The following CA2 variants were observed in gnomAD, a reference collection of about 807,000 sequenced individuals.
CA2 encodes carbonic anhydrase 2.
Under a neutral mutation model 27.8 loss-of-function variants are expected in CA2, and 23 were observed. The observed-to-expected ratio is 0.83, with a 90% CI of 0.59 to 1.17. CA2 has a LOEUF of 1.17. Among genes scored for constraint, CA2 ranks in the 50% most tolerant of loss-of-function variants. The probability of loss-of-function intolerance (pLI) is 0.00; values close to 1 mark genes in which losing one functional copy is unlikely to be tolerated. For missense variants in CA2, 300 were observed against 314.7 expected (o/e 0.95, Z 0.35); for synonymous variants, 99 against 114.9 (o/e 0.86, Z 0.88).
intron 6 of CA2, among the ~76,000 whole-genome samples, chr8:85,479,308 T>C (rs1156467268): frequency 6.6e-6 from 1 of 152,212 alleles, no homozygotes; most frequent in African/African-American, 2.4e-5. Flanking sequence ...CTGTTTACAC[T>C]TTATGAACAG....
intron 2 of CA2, 53 bp downstream of exon 2, chr8:85,465,522 C>G: frequency 6.9e-7 from 1 of 1,450,142 alleles, no homozygotes; most frequent in Non-Finnish European, 9.5e-7. Context: ...GTTTTCCGAG[C>G]TTAATGGAAG....
intron 1 of CA2, 140 bp downstream of exon 1, chr8:85,464,255 A>T: frequency 5.8e-6 from 4 of 689,724 alleles, no homozygotes; most frequent in Non-Finnish European, 8.7e-6. Flanking sequence ...CTGGAGGCTC[A>T]GGTGCGCCCC....
At chr8:85,478,343 T>C (rs762169325) in intron 6 of CA2, among the ~76,000 whole-genome samples, 6 of 152,244 alleles carry the variant, frequency 3.9e-5, no homozygotes, top group African/African-American at 1.4e-4. Flanking sequence ...AAAAATAGCA[T>C]GCTTGGTATG....
intron 4 of CA2, among the ~76,000 whole-genome samples, chr8:85,475,430 G>C (rs1183458774): frequency 6.8e-6 from 1 of 147,732 alleles, no homozygotes; most frequent in Admixed American, 6.8e-5. Flanking sequence ...TTGCTGGAAG[G>C]CGTAGGGAAA....
chr8:85,477,286 T>C lies in CA2; in HGVS notation c.663+11T>C. The stretch of plus-strand genomic sequence containing the variant: ...GTCAGCAGCGAGCAGGTTTGTTTTG[T>C]AATGACAGGTCTGTTTACGGGTGGA... On this transcript the variant is annotated intron_variant, in intron 6 of 6. Transcript: ENST00000285379. The C allele has an allele frequency of 6.2e-7, 1 of 1,614,090 alleles. No individual in the cohort carries two copies. Among genetic ancestry groups the C allele is most frequent in the East Asian group, 2.2e-5 (1 of 44,878 alleles).
intron 5 of CA2, 67 bp from the exon 6 acceptor site, chr8:85,477,053 T>C: frequency 1.3e-6 from 2 of 1,527,902 alleles, no homozygotes; most frequent in Admixed American, 3.3e-5. Flanking sequence ...TTGTGTCTGC[T>C]GCTCTCCTAC....
chr8:85,466,172 CT>C (rs543619688), intron 2 of CA2, among the ~76,000 whole-genome samples: 4,148 of 140,644 alleles, frequency 0.029, 188 homozygotes, highest in African/African-American at 0.095. Context: ...AAAAATCCTG[CT>C]TTTTTTTTTT....
chr8:85,474,496 A>T, intron 4 of CA2, 80 bp downstream of exon 4: 1 of 1,065,992 alleles, frequency 9.4e-7, no homozygotes, highest in Non-Finnish European at 1.5e-6. Flanking sequence ...CATACAGGAC[A>T]TTCTACAAAA....
intron 6 of CA2, 78 bp from the exon 7 acceptor site, chr8:85,480,592 A>T: frequency 6.9e-7 from 1 of 1,450,252 alleles, no homozygotes; most frequent in Non-Finnish European, 9.6e-7. Flanking sequence ...CGGGGAATGT[A>T]TTTAAAGATA....
At chr8:85,470,632 T>A (rs1034679638) in intron 2 of CA2, among the ~76,000 whole-genome samples, 1 of 152,110 alleles carries the variant, frequency 6.6e-6, no homozygotes, top group African/African-American at 2.4e-5. Flanking sequence ...TTCTTATTTT[T>A]CTCAAAAAGT....
In CA2 at chr8:85,477,254, C is replaced by G. The variant is rs200029053; in HGVS notation, c.642C>G (p.Pro214=). 7.4e-6 allele frequency: 12 copies of G among 1,614,062 alleles called. No homozygotes were observed. Among genetic ancestry groups the G allele is most frequent in the Non-Finnish European group, 1.0e-5 (12 of 1,179,978 alleles). ...TGACCTGGATTGTGCTCAAGGAACC[C>G]ATCAGCGTCAGCAGCGAGCAGGTTT... ...ECVTWIVLKE[P]ISVSSEQVLK... The change falls in exon 6 of 7, where the codon CCC becomes CCG. Residue 214 remains proline, a synonymous_variant. Coordinates refer to ENST00000285379, the MANE Select transcript of CA2 (RefSeq NM_000067.3).
rs1384791966 is a variant in CA2 at position 85,475,197 on chromosome 8, A to AACAAAACAAAAACAAAAAC, written c.445-594_445-576dup. On this transcript the variant is annotated intron_variant, in intron 4 of 6. Transcript: ENST00000285379. ...TAAAAAACAAACTAACAAACAAAAA[A>AACAAAACAAAAACAAAAAC]ACAAAACAAAAACAAAAACACAAAA... Among the ~76,000 whole-genome samples, 5 of 151,786 alleles carry AACAAAACAAAAACAAAAAC rather than the reference A, an allele frequency of 3.3e-5. No individual in the cohort carries two copies. In the East Asian group the frequency reaches 5.8e-4, roughly 18 times the overall value.
intron 6 of CA2, among the ~76,000 whole-genome samples, chr8:85,479,916 A>G (rs1199788896): frequency 1.3e-5 from 2 of 152,210 alleles, no homozygotes; most frequent in Non-Finnish European, 2.9e-5. Flanking sequence ...CACTCAGCCC[A>G]TGGAGCTTAC....
chr8:85,464,105 C>T lies in CA2; in HGVS notation c.24C>T (p.Gly8=). MSHHWGY[G]KHNGPEHWHK... ...CCATGTCCCATCACTGGGGGTACGG[C>T]AAACACAACGGTGAGTGCCGGCGAC... Residue 8 remains glycine (G), a synonymous_variant, in exon 1 of 7, where the codon GGC becomes GGT. Coordinates refer to ENST00000285379, the MANE Select transcript of CA2 (RefSeq NM_000067.3). The T allele has an allele frequency of 6.5e-7, 1 of 1,547,134 alleles. No individual in the cohort carries two copies. Among genetic ancestry groups the T allele is most frequent in the East Asian group, 2.5e-5 (1 of 40,746 alleles).
At chr8:85,474,087 T>G (rs1811750569) in intron 3 of CA2, 1 of 608,154 alleles carries the variant, frequency 1.6e-6, no homozygotes, top group Non-Finnish European at 2.9e-6. Context: ...ATAAAATGTG[T>G]GCCTTCTGTC....
At position 85,477,382 on chromosome 8, in the gene CA2, A is replaced by C. The variant is rs141005940; in HGVS notation, c.663+107A>C. ...ACTGAGATTTAATCCTTCTCCTGCT[A>C]CTTCTTGCTATGGAAATAGTGCCTT... On this transcript the variant is annotated intron_variant, in intron 6 of 6. Coordinates refer to ENST00000285379, the MANE Select transcript of CA2 (RefSeq NM_000067.3). 94 of 1,247,916 alleles carry C rather than the reference A, an allele frequency of 7.5e-5. No individual in the cohort carries two copies. In the East Asian group the frequency reaches 2.2e-3, roughly 29 times the overall value. The allele number at this position is 1,247,916 out of a possible 1,614,324, so 77.3% of individuals were successfully genotyped here.
chr8:85,479,281 T>G (rs1282024173), intron 6 of CA2, among the ~76,000 whole-genome samples: 1 of 152,202 alleles, frequency 6.6e-6, no homozygotes, highest in Non-Finnish European at 1.5e-5. Flanking sequence ...TTATACTGGT[T>G]TGATCAAAAG....
At chr8:85,476,138 G>A (rs1811795701) in intron 5 of CA2, among the ~76,000 whole-genome samples, 1 of 152,170 alleles carries the variant, frequency 6.6e-6, no homozygotes, top group Admixed American at 6.5e-5. Flanking sequence ...ATGCCTGCAA[G>A]GAGGTTCAAA....
rs780289062 is a variant in CA2 at position 85,464,046 on chromosome 8, G to T, written c.-36G>T. ...CCCAAGCCGCCGCCGCCAGATCGGT[G>T]CCGATTCCTGCCCTGCCCCGACCGC... On this transcript the variant is annotated 5_prime_UTR_variant, in exon 1 of 7. Transcript: ENST00000285379. The T allele has an allele frequency of 1.7e-5, 26 of 1,541,778 alleles. No individual in the cohort carries two copies. Among genetic ancestry groups the T allele is most frequent in the Non-Finnish European group, 2.1e-5 (24 of 1,146,580 alleles).
Sources: gnomAD v4.1 joint callset for allele counts (sites outside exome capture counted in the v4.1 genomes callset) on GRCh38, gnomAD v4.1.1 for gene constraint, MANE v1.5 for transcripts, NCBI Gene and HGNC (gene_info 2026-07-23, HGNC 2026-07-21) for gene names.